The following TG variants were observed in gnomAD, a reference collection of about 807,000 sequenced individuals.
TG encodes thyroglobulin.
TG carries 270 observed loss-of-function variants against 324.7 expected under a neutral mutation model. That is an observed-to-expected ratio of 0.83 (90% CI 0.75 to 0.92). TG has a LOEUF of 0.92. Ranked by LOEUF, TG falls within the 40% of genes least tolerant of loss-of-function variation. The pLI is 0.00. For missense variants in TG, 3,591 were observed against 3,456.4 expected, an observed-to-expected ratio of 1.04 and a Z score of -0.98; for synonymous variants, 1,401 against 1,327.0, an observed-to-expected ratio of 1.06 and a Z score of -1.21.
At chr8:132,966,474 G>A in intron 29 of TG, 86 bp from the exon 30 acceptor site, 1 of 1,421,780 alleles carries the variant, frequency 7.0e-7, no homozygotes, top group Non-Finnish European at 9.9e-7. Flanking sequence ...CTCTGTGTGT[G>A]TGTGTGTGTG....
intron 34 of TG, among the ~76,000 whole-genome samples, chr8:132,982,122 G>C (rs1830938270): frequency 6.6e-6 from 1 of 152,212 alleles, no homozygotes; most frequent in African/African-American, 2.4e-5. Flanking sequence ...AGCTGCACCA[G>C]TATCAGCTCA....
chr8:133,036,870 A>G lies in TG; in HGVS notation c.7239+6847A>G, dbSNP rs1837203949. The G allele has an allele frequency of 2.0e-5, 3 of 152,752 alleles. No homozygotes were observed. In the South Asian group the frequency reaches 6.2e-4, roughly 32 times the overall value. The allele number at this position is 152,752 out of a possible 1,614,324, so 9.5% of individuals were successfully genotyped here. A position where few individuals can be genotyped will look rare whatever the true frequency, so the allele number is the denominator to read the frequency against. On this transcript the variant is annotated intron_variant, in intron 41 of 47. Transcript: ENST00000220616. ...CATTCGTCACAACGGAAAACAACACATAAGATACTGTGCAGACATCTGGAG... is the reference window on the plus strand; with the variant it reads ...CATTCGTCACAACGGAAAACAACACGTAAGATACTGTGCAGACATCTGGAG...
At position 133,116,725 on chromosome 8, in the gene TG, C is replaced by T; in HGVS notation, c.7862+9C>T. The T allele has an allele frequency of 6.2e-7, 1 of 1,611,590 alleles. No homozygotes were observed. The highest frequency in any genetic ancestry group is 1.1e-5 in the South Asian group (1 of 91,050). On this transcript the variant is annotated intron_variant, in intron 45 of 47. Transcript: ENST00000220616. ...AACTACGGCCATGGCAGGTAAGACG[C>T]TGCAGGGAAGCAGAGAAAGGAAGGT...
At chr8:132,939,658 A>C (rs1824133077) in intron 25 of TG, among the ~76,000 whole-genome samples, 1 of 140,882 alleles carries the variant, frequency 7.1e-6, no homozygotes. Context: ...TATATAGTCT[A>C]TGGGGTTTTT....
chr8:132,907,996 G>C (rs1432418199), intron 17 of TG, among the ~76,000 whole-genome samples, 190 bp from the exon 18 acceptor site: 1 of 152,178 alleles, frequency 6.6e-6, no homozygotes, highest in African/African-American at 2.4e-5. Context: ...TTTCTGTGAG[G>C]GTGCTCAGTA....
At chr8:133,101,165 C>T (rs1490127968) in intron 43 of TG, among the ~76,000 whole-genome samples, 2 of 152,098 alleles carry the variant, frequency 1.3e-5, no homozygotes, top group Non-Finnish European at 2.9e-5. Flanking sequence ...CACCACCTTA[C>T]CCCCACCATA....
intron 41 of TG, among the ~76,000 whole-genome samples, chr8:133,090,716 A>G (rs1261191404): frequency 6.6e-6 from 1 of 152,178 alleles, no homozygotes; most frequent in East Asian, 1.9e-4. Context: ...AGCTCTGTGA[A>G]CGCTGATCAT....
Position 133,015,417 on chromosome 8 carries a change from C to T in TG, c.6562+1653C>T, listed in dbSNP as rs183794174. 1.4e-4 allele frequency among the ~76,000 whole-genome samples: 22 copies of T among 152,338 alleles called. No individual in the cohort carries two copies. The East Asian group carries it at 3.1e-3, about 21-fold the overall frequency. On this transcript the variant is annotated intron_variant, in intron 37 of 47. Coordinates refer to ENST00000220616, the MANE Select transcript of TG (RefSeq NM_003235.5). Reference sequence around the variant, plus strand: ...ATAATTTTCTTAACCCAGGTAGTCACGTGGCCTCTGTGGGTATTCTAGAAA... The same window carrying T: ...ATAATTTTCTTAACCCAGGTAGTCATGTGGCCTCTGTGGGTATTCTAGAAA...
chr8:132,871,631 G>C (rs1369345797), intron 4 of TG, 80 bp downstream of exon 4: 1 of 1,438,332 alleles, frequency 7.0e-7, no homozygotes, highest in South Asian at 1.3e-5. Flanking sequence ...CACATTTAGG[G>C]TTTCCTGCCG....
intron 20 of TG, among the ~76,000 whole-genome samples, chr8:132,914,124 T>C (rs1819948776): frequency 6.6e-6 from 1 of 152,224 alleles, no homozygotes; most frequent in African/African-American, 2.4e-5. Flanking sequence ...TACTCCTTTA[T>C]TTTGAGGTCA....
chr8:133,048,822 G>A (rs775130397), intron 41 of TG: 2 of 172,860 alleles, frequency 1.2e-5, no homozygotes, highest in African/African-American at 4.8e-5. Context: ...GTGGCATCTG[G>A]TATTCACAAT....
intron 35 of TG, among the ~76,000 whole-genome samples, chr8:132,986,646 A>G (rs969640232): frequency 2.0e-5 from 3 of 152,238 alleles, no homozygotes; most frequent in Middle Eastern, 3.4e-3. Flanking sequence ...TTGATTGTTT[A>G]TTATTATTCA....
At chr8:133,108,571 C>T (rs1374169312) in intron 43 of TG, among the ~76,000 whole-genome samples, 1 of 152,126 alleles carries the variant, frequency 6.6e-6, no homozygotes, top group African/African-American at 2.4e-5. Flanking sequence ...AGACATAGAG[C>T]GATTATATAA....
In TG at chr8:132,933,629, T is replaced by A. The variant is rs1253676857; in HGVS notation, c.4885T>A (p.Phe1629Ile). ...STTEPEISCD[F>I]YAWTSDNVAC... The stretch of plus-strand genomic sequence containing the variant: ...GACGGAGCCAGAGATTTCCTGTGAT[T>A]TCTATGCTTGGACAAGTGACAATGT... The change falls in exon 24 of 48, where the codon TTC (phenylalanine) becomes ATC (isoleucine). Residue 1629 changes from phenylalanine to isoleucine, a missense_variant. Transcript: ENST00000220616. 2 of 1,614,148 alleles carry A rather than the reference T, an allele frequency of 1.2e-6. No individual in the cohort carries two copies. Among genetic ancestry groups the A allele is most frequent in the Admixed American group, 3.3e-5 (2 of 60,024 alleles).
intron 45 of TG, among the ~76,000 whole-genome samples, chr8:133,120,777 C>A (rs767879555): frequency 6.6e-6 from 1 of 152,210 alleles, no homozygotes; most frequent in Non-Finnish European, 1.5e-5. Flanking sequence ...AGGACCCCAA[C>A]ATATCTTTTT....
chr8:133,085,417 A>T (rs1322891836), intron 41 of TG, among the ~76,000 whole-genome samples: 1 of 152,236 alleles, frequency 6.6e-6, no homozygotes, highest in African/African-American at 2.4e-5. Context: ...GTGAAAAGAA[A>T]ATCCACATAA....
intron 37 of TG, among the ~76,000 whole-genome samples, chr8:133,015,652 C>T (rs12334347): frequency 0.11 from 16,077 of 152,168 alleles, 956 homozygotes; most frequent in Middle Eastern, 0.16. Context: ...GGATGTGCCA[C>T]GTATACAAAA....
At chr8:132,885,130 G>GT (rs1491548254) in intron 8 of TG, among the ~76,000 whole-genome samples, 3 of 71,606 alleles carry the variant, frequency 4.2e-5, no homozygotes, top group East Asian at 4.8e-4. Flanking sequence ...TTTAAAAGTT[G>GT]GGGGGGGGGC....
At chr8:133,085,044 C>T (rs568127033) in intron 41 of TG, among the ~76,000 whole-genome samples, 62 of 152,346 alleles carry the variant, frequency 4.1e-4, no homozygotes, top group African/African-American at 1.4e-3. Context: ...TGAGCACAAA[C>T]TGAGAACAGC....
Sources: allele counts gnomAD v4.1 joint callset (sites outside exome capture counted in the v4.1 genomes callset), GRCh38; gene constraint gnomAD v4.1.1; transcripts MANE v1.5; gene names NCBI Gene and HGNC (gene_info 2026-07-23, HGNC 2026-07-21).